Variants in NECTIN1 observed in about 807,000 individuals in gnomAD.
The protein encoded by NECTIN1 is nectin-1.
Under a neutral mutation model 48.0 loss-of-function variants are expected in NECTIN1, and 23 were observed. The ratio of observed to expected loss-of-function variants is 0.48; its 90% CI spans 0.34 to 0.68. The LOEUF is 0.68. Ranked by LOEUF, NECTIN1 falls within the 30% of genes least tolerant of loss-of-function variation. NECTIN1 has a pLI of 0.01. For synonymous variants in NECTIN1, 270 were observed against 288.9 expected, an observed-to-expected ratio of 0.93 and a Z score of 0.66; for missense variants, 591 against 709.9, an observed-to-expected ratio of 0.83 and a Z score of 1.90.
At chr11:119,681,878 T>A (rs976251087) in intron 1 of NECTIN1, among the ~76,000 whole-genome samples, 2 of 152,122 alleles carry the variant, frequency 1.3e-5, no homozygotes, top group African/African-American at 2.4e-5. Flanking sequence ...AGGTACAGAC[T>A]CACTTTGGTA....
At chr11:119,712,381 G>T (rs1374408547) in intron 1 of NECTIN1, among the ~76,000 whole-genome samples, 1 of 119,254 alleles carries the variant, frequency 8.4e-6, no homozygotes, top group Non-Finnish European at 2.0e-5. Flanking sequence ...ATAGCCCCGG[G>T]CATAGTTTAA....
Position 119,664,539 on chromosome 11 carries a change from G to A in NECTIN1, c.*208C>T. On this transcript the variant is annotated 3_prime_UTR_variant, in exon 6 of 6. Transcript: ENST00000264025. ...GCCACAGTCGAACACAACACCATGG[G>A]GAAGGGCGGAGGAGAGGGAGGAAAT... 7.0e-7 allele frequency: 1 copy of A among 1,424,810 alleles called. No homozygotes were observed. The highest frequency in any genetic ancestry group is 9.1e-7 in the Non-Finnish European group (1 of 1,093,536). 88.3% of individuals were successfully genotyped at this position (1,424,810 alleles called of 1,614,324 possible).
rs1420503898 is a variant in NECTIN1 at position 119,683,349 on chromosome 11, C to A, written c.80-4584G>T. ...GGACACAGAACAGCAGCACCCAGCC[C>A]AGTGCTTTCCCACCCTGCCACAAAA... On this transcript the variant is annotated intron_variant, in intron 1 of 5. Transcript: ENST00000264025. This position sits in a 1 kb window ranked among gnomAD's most constrained non-coding sequence, Gnocchi z 4.0. 6.6e-6 allele frequency among the ~76,000 whole-genome samples: 1 copy of A among 152,152 alleles called. No homozygotes were observed. Among genetic ancestry groups the A allele is most frequent in the Non-Finnish European group, 1.5e-5 (1 of 68,028 alleles).
At position 119,665,171 on chromosome 11, in the gene NECTIN1, GCGACCACGATCCCGC is replaced by G; in HGVS notation, c.1115_1129del (p.Gly372_Val376del). ...GAAGGTGTGCCGGCGCCGACGCAGG[GCGACCACGATCCCGC>G]CGACCACAATCAACACCAGCAGGAT... On this transcript the variant is annotated inframe_deletion, in exon 6 of 6. Coordinates refer to ENST00000264025, the MANE Select transcript of NECTIN1 (RefSeq NM_002855.5). This position sits in a 1 kb window ranked among gnomAD's most constrained non-coding sequence, Gnocchi z 5.1. The G allele has an allele frequency of 1.2e-6, 2 of 1,611,632 alleles. No individual in the cohort carries two copies. The highest frequency in any genetic ancestry group is 1.7e-6 in the Non-Finnish European group (2 of 1,179,902).
At chr11:119,715,368 T>C (rs1046489946) in intron 1 of NECTIN1, among the ~76,000 whole-genome samples, 5 of 152,060 alleles carry the variant, frequency 3.3e-5, no homozygotes, top group Non-Finnish European at 7.4e-5. Flanking sequence ...TTTTTATTTT[T>C]TTTTAAGATG....
rs1865122825 is a variant in NECTIN1, at chr11:119,684,580, C to T, written c.80-5815G>A. Among the ~76,000 whole-genome samples, 7 of 152,200 alleles carry T rather than the reference C, an allele frequency of 4.6e-5. No individual in the cohort carries two copies. Among genetic ancestry groups the T allele is most frequent in the Admixed American group, 3.9e-4 (6 of 15,284 alleles). On this transcript the variant is annotated intron_variant, in intron 1 of 5. Transcript: ENST00000264025. This position sits in a 1 kb window ranked among gnomAD's most constrained non-coding sequence, Gnocchi z 5.2. ...AAGTGGTAAGTGGGAGTGACTCACCCACTGGGAGGGGCAGGGCCTCCATCT... is the reference window on the plus strand; with the variant it reads ...AAGTGGTAAGTGGGAGTGACTCACCTACTGGGAGGGGCAGGGCCTCCATCT...
At chr11:119,648,263 T>TGGTGGTG (rs1565376357) in intron 5 of NECTIN1, among the ~76,000 whole-genome samples, 2 of 44,742 alleles carry the variant, frequency 4.5e-5, no homozygotes, top group Non-Finnish European at 1.0e-4. Context: ...GAGGTGGTAA[T>TGGTGGTG]AGTGGTGGTG....
chr11:119,726,885 C>T (rs949214608), intron 1 of NECTIN1, among the ~76,000 whole-genome samples: 20 of 152,292 alleles, frequency 1.3e-4, no homozygotes, highest in African/African-American at 4.8e-4. Flanking sequence ...CAGGCAAGTC[C>T]TAGAGCCCGA....
At chr11:119,670,730 T>A (rs1263513412) in intron 5 of NECTIN1, among the ~76,000 whole-genome samples, 1 of 128,240 alleles carries the variant, frequency 7.8e-6, no homozygotes, top group Non-Finnish European at 1.6e-5. Context: ...CACTGCAACC[T>A]CCGCCTCCCA....
chr11:119,677,509 C>G lies in NECTIN1; in HGVS notation c.733+46G>C, dbSNP rs1864975254. On this transcript the variant is annotated intron_variant, in intron 3 of 5. Coordinates refer to ENST00000264025, the MANE Select transcript of NECTIN1 (RefSeq NM_002855.5). This position sits in a 1 kb window ranked among gnomAD's most constrained non-coding sequence, Gnocchi z 5.4. ...AAAGGAGAGGAGGAGGGAGGAGGGA[C>G]AGTGGCGCCCACCCCAGGAGGCCCC... 6 of 1,596,192 alleles carry G rather than the reference C, an allele frequency of 3.8e-6. No individual in the cohort carries two copies. The highest frequency in any genetic ancestry group is 5.1e-6 in the Non-Finnish European group (6 of 1,165,468).
At chr11:119,671,127 G>A (rs1464618387) in intron 5 of NECTIN1, among the ~76,000 whole-genome samples, 1 of 151,460 alleles carries the variant, frequency 6.6e-6, no homozygotes, top group African/African-American at 2.4e-5. Flanking sequence ...GAAGCATGGG[G>A]ATCTAACTCA....
At chr11:119,647,648 G>T (rs920319395) in intron 5 of NECTIN1, among the ~76,000 whole-genome samples, 15 of 152,074 alleles carry the variant, frequency 9.9e-5, no homozygotes, top group Admixed American at 9.8e-4. Flanking sequence ...CTTAATGGAG[G>T]GGGTGGCGGG....
rs1468174785 is a variant in NECTIN1 at position 119,728,669 on chromosome 11, G to C, written c.-116C>G. 8 of 323,330 alleles carry C rather than the reference G, an allele frequency of 2.5e-5. No individual in the cohort carries two copies. Among genetic ancestry groups the C allele is most frequent in the Non-Finnish European group, 3.3e-5 (6 of 179,190 alleles). The allele number at this position is 323,330 out of a possible 1,614,324, so 20.0% of individuals were successfully genotyped here. On this transcript the variant is annotated 5_prime_UTR_variant, in exon 1 of 6. Coordinates refer to ENST00000264025, the MANE Select transcript of NECTIN1 (RefSeq NM_002855.5). Reference sequence around the variant, plus strand: ...GGTCGGCGGGCGCTCGAAGGATCCAGGTCAGCTGCAGCCGTCGGCCGGGGC... The same window carrying C: ...GGTCGGCGGGCGCTCGAAGGATCCACGTCAGCTGCAGCCGTCGGCCGGGGC...
At chr11:119,692,971 T>C (rs11217404) in intron 1 of NECTIN1, among the ~76,000 whole-genome samples, 10,177 of 152,166 alleles carry the variant, frequency 0.067, 790 homozygotes, top group African/African-American at 0.18. Context: ...CTGCTGGGAG[T>C]GCCTTGTAGA....
At position 119,674,514 on chromosome 11, in the gene NECTIN1, TG is replaced by T. The variant is rs3215181; in HGVS notation, c.1003+644del. 15,465 of 1,610,526 alleles carry T rather than the reference TG, an allele frequency of 9.6e-3. 147 individuals carry two copies. The highest frequency in any genetic ancestry group is 0.039 in the African/African-American group (2,940 of 74,658). On this transcript the variant is annotated intron_variant, in intron 5 of 5. Transcript: ENST00000264025. ...CATACTGTCCCCGTTTTACAGATGG[TG>T]GGGGGGGCCCTGTCCAGGGTCACAG...
In NECTIN1 at chr11:119,673,323, T is replaced by C. The variant is rs1311111043; in HGVS notation, c.1003+1836A>G. ...GCTCAGCGCCTGGGCCTATCAATGA[T>C]TCAGTGAGTGCCATGCGTCCCTGGC... is the stretch of plus-strand genomic sequence containing the variant. On this transcript the variant is annotated intron_variant, in intron 5 of 5. Transcript: ENST00000264025. This position sits in a 1 kb window ranked among gnomAD's most constrained non-coding sequence, Gnocchi z 5.8. Among the ~76,000 whole-genome samples, 4 of 152,074 alleles carry C rather than the reference T, an allele frequency of 2.6e-5. No individual in the cohort carries two copies. Among genetic ancestry groups the C allele is most frequent in the Non-Finnish European group, 4.4e-5 (3 of 67,998 alleles).
In NECTIN1 at chr11:119,684,332, G is replaced by A. The variant is rs961300832; in HGVS notation, c.80-5567C>T. Among the ~76,000 whole-genome samples the A allele has an allele frequency of 7.2e-5, 11 of 152,224 alleles. No individual in the cohort carries two copies. The South Asian group carries it at 1.0e-3, about 14-fold the overall frequency. On this transcript the variant is annotated intron_variant, in intron 1 of 5. Transcript: ENST00000264025. This position sits in a 1 kb window ranked among gnomAD's most constrained non-coding sequence, Gnocchi z 5.2. The stretch of plus-strand genomic sequence containing the variant: ...CTGCCTGGGGGCCTTGAAGTGGCTG[G>A]GCAGGGGCAGCCAACTTGGCCTGGA...
At chr11:119,659,761 G>A (rs1291513386), downstream of NECTIN1, among the ~76,000 whole-genome samples, 4 of 152,182 alleles carry the variant, frequency 2.6e-5, no homozygotes, top group Non-Finnish European at 5.9e-5. Flanking sequence ...GAAAGTCTTG[G>A]CTAATTTGCC....
chr11:119,666,155 C>T (rs765380551), intron 5 of NECTIN1, among the ~76,000 whole-genome samples: 5 of 152,170 alleles, frequency 3.3e-5, no homozygotes, highest in Non-Finnish European at 5.9e-5. Context: ...AAAGCATGTG[C>T]GTGTGTGCGT....
Sources: allele counts gnomAD v4.1 joint callset (sites outside exome capture counted in the v4.1 genomes callset), GRCh38; gene constraint gnomAD v4.1.1; non-coding constraint Gnocchi (gnomAD v3.1); transcripts MANE v1.5; gene names NCBI Gene and HGNC (gene_info 2026-07-23, HGNC 2026-07-21).